The following PRKG1 variants were observed in gnomAD, a reference collection of about 807,000 sequenced individuals.
PRKG1 encodes cGMP-dependent protein kinase 1.
Under a neutral mutation model 88.1 loss-of-function variants are expected in PRKG1, and 35 were observed. That is an observed-to-expected ratio of 0.40 (90% CI 0.30 to 0.53). The LOEUF is 0.53. Among genes scored for constraint, PRKG1 ranks in the 20% least tolerant of loss-of-function variants. PRKG1 has a pLI of 0.59. For synonymous variants in PRKG1, 303 were observed against 292.5 expected (o/e 1.04, Z -0.37); for missense variants, 540 against 839.8 (o/e 0.64, Z 4.41).
intron 3 of PRKG1, among the ~76,000 whole-genome samples, chr10:51,603,846 G>A (rs1291123612): frequency 6.6e-6 from 1 of 152,150 alleles, no homozygotes; most frequent in Admixed American, 6.5e-5. Flanking sequence ...CTTGGAGGAG[G>A]TGACATGAAG....
chr10:51,767,695 G>A (rs923933003), intron 3 of PRKG1, among the ~76,000 whole-genome samples: 2 of 152,038 alleles, frequency 1.3e-5, no homozygotes, highest in African/African-American at 4.8e-5. Flanking sequence ...GAAAGCTTCA[G>A]CATATGAAAA....
At chr10:51,822,863 G>T (rs564707053) in intron 4 of PRKG1, among the ~76,000 whole-genome samples, 1 of 152,106 alleles carries the variant, frequency 6.6e-6, no homozygotes, top group East Asian at 1.9e-4. Flanking sequence ...TGTTTGTTTT[G>T]CATACAGCTG....
chr10:51,359,466 G>T (rs1024999709), intron 2 of PRKG1, among the ~76,000 whole-genome samples: 2 of 151,820 alleles, frequency 1.3e-5, no homozygotes, highest in Non-Finnish European at 2.9e-5. Flanking sequence ...GTGCGTGTGT[G>T]TGTGTGTGTA....
intron 3 of PRKG1, among the ~76,000 whole-genome samples, chr10:51,624,844 G>C (rs1212756475): frequency 6.6e-6 from 1 of 152,174 alleles, no homozygotes; most frequent in Non-Finnish European, 1.5e-5. Context: ...TCACTCATAT[G>C]TTGAATCTTT....
At chr10:51,557,746 T>C (rs10823184) in intron 3 of PRKG1, among the ~76,000 whole-genome samples, 64,489 of 151,812 alleles carry the variant, frequency 0.42, 14,618 homozygotes, top group East Asian at 0.89. Context: ...ACCTGAATGA[T>C]GACCTTAAGA....
intron 1 of PRKG1, among the ~76,000 whole-genome samples, chr10:51,123,249 CTTAA>C (rs139198727): frequency 1.7e-3 from 255 of 152,298 alleles, no homozygotes; most frequent in African/African-American, 5.8e-3. Context: ...TTACAACAGT[CTTAA>C]TTAACCTCGT....
At chr10:51,383,168 C>A (rs1477570745) in intron 2 of PRKG1, among the ~76,000 whole-genome samples, 1 of 152,094 alleles carries the variant, frequency 6.6e-6, no homozygotes, top group African/African-American at 2.4e-5. Flanking sequence ...ACACCAAAGT[C>A]TTGTTAGGAA....
At chr10:52,260,800 A>G (rs1841416168) in intron 10 of PRKG1, among the ~76,000 whole-genome samples, 1 of 152,074 alleles carries the variant, frequency 6.6e-6, no homozygotes, top group Non-Finnish European at 1.5e-5. Context: ...AGTAAAGTTT[A>G]TTTAGCATAA....
At chr10:51,229,926 C>CAAAAAAAAAAAAAAAAAAAAAAA (rs35300789) in intron 2 of PRKG1, among the ~76,000 whole-genome samples, 3 of 33,504 alleles carry the variant, frequency 9.0e-5, no homozygotes, top group Admixed American at 3.5e-4. Flanking sequence ...GAGGCGATCT[C>CAAAAAAAAAAAAAAAAAAAAAAA]AAAAAAAAAA....
intron 3 of PRKG1, among the ~76,000 whole-genome samples, chr10:51,491,149 T>A (rs2132870765): frequency 6.6e-6 from 1 of 152,190 alleles, no homozygotes; most frequent in South Asian, 2.1e-4. Context: ...AGGATAAATC[T>A]GATGAATCTC....
intron 9 of PRKG1, among the ~76,000 whole-genome samples, chr10:52,196,532 G>A (rs758118475): frequency 9.2e-5 from 14 of 152,170 alleles, no homozygotes; most frequent in Non-Finnish European, 1.5e-4. Flanking sequence ...AGCTTGCACC[G>A]TAGTCGTCTG....
intron 4 of PRKG1, among the ~76,000 whole-genome samples, chr10:51,893,781 A>G (rs572756791): frequency 6.6e-6 from 1 of 152,252 alleles, no homozygotes; most frequent in South Asian, 2.1e-4. Context: ...TTTTCCAACT[A>G]AGGAAGCTTC....
chr10:51,352,154 G>A (rs1219274426), intron 2 of PRKG1, among the ~76,000 whole-genome samples: 1 of 152,082 alleles, frequency 6.6e-6, no homozygotes, highest in East Asian at 1.9e-4. Context: ...TAGCCCTGTA[G>A]TATAGTTTGA....
intron 9 of PRKG1, among the ~76,000 whole-genome samples, chr10:52,204,834 T>G (rs1311365969): frequency 4.6e-5 from 7 of 152,132 alleles, no homozygotes; most frequent in African/African-American, 1.7e-4. Context: ...AGGATAACAG[T>G]GGTTTTCAGG....
At chr10:52,283,811 G>T (rs11001447) in intron 14 of PRKG1, among the ~76,000 whole-genome samples, 72,006 of 151,690 alleles carry the variant, frequency 0.47, 19,015 homozygotes, top group Non-Finnish European at 0.61. Context: ...TAGATAAAAA[G>T]GTAATCTTTC....
chr10:51,088,548 T>C (rs774704967), intron 1 of PRKG1, among the ~76,000 whole-genome samples: 2 of 152,166 alleles, frequency 1.3e-5, no homozygotes, highest in Non-Finnish European at 2.9e-5. Context: ...GACACTCCTT[T>C]GTTTCTTCCA....
At chr10:51,299,518 T>C in intron 2 of PRKG1, 1 of 467,484 alleles carries the variant, frequency 2.1e-6, no homozygotes. Flanking sequence ...TTTTTGCTCA[T>C]TCTTTAAAGT....
chr10:51,137,230 G>A (rs528716635), intron 1 of PRKG1, among the ~76,000 whole-genome samples: 3 of 152,194 alleles, frequency 2.0e-5, no homozygotes, highest in Admixed American at 6.5e-5. Flanking sequence ...AACTATGGCC[G>A]TGGGGGCAGG....
chr10:51,976,045 C>T (rs1843824460), intron 5 of PRKG1, among the ~76,000 whole-genome samples: 1 of 151,956 alleles, frequency 6.6e-6, no homozygotes, highest in Non-Finnish European at 1.5e-5. Context: ...TAGAAAAGTG[C>T]AAATCAAAAC....
Sources: allele counts gnomAD v4.1 joint callset (sites outside exome capture counted in the v4.1 genomes callset), GRCh38; gene constraint gnomAD v4.1.1; transcripts MANE v1.5; gene names NCBI Gene and HGNC (gene_info 2026-07-23, HGNC 2026-07-21).